Variants in CHD9 observed in about 807,000 individuals in gnomAD.
CHD9 encodes the protein ATP-dependent chromatin remodeler CHD9.
Under a neutral mutation model 316.1 loss-of-function variants are expected in CHD9, and 77 were observed. That is an observed-to-expected ratio of 0.24 (90% confidence interval 0.20 to 0.29). The LOEUF (loss-of-function observed/expected upper bound fraction) is 0.29. CHD9 is among the 10% of genes least tolerant of loss of function. CHD9 has a pLI of 1.00. For missense variants in CHD9, 2,763 were observed against 3,438.1 expected (o/e 0.80, Z 4.91); for synonymous variants, 1,129 against 1,158.3 (o/e 0.97, Z 0.51).
chr16:53,322,824 T>C (rs1341878877), intron 38 of CHD9, among the ~76,000 whole-genome samples: 4 of 152,266 alleles, frequency 2.6e-5, no homozygotes, highest in South Asian at 4.1e-4. Flanking sequence ...GGGGGAATTA[T>C]AGAATGTGTA....
At chr16:53,107,661 G>A (rs1467504499) in intron 1 of CHD9, among the ~76,000 whole-genome samples, 2 of 151,260 alleles carry the variant, frequency 1.3e-5, no homozygotes, top group African/African-American at 2.4e-5. Flanking sequence ...CAGCCTGGAC[G>A]ACACAGCGAG....
chr16:53,308,246 T>C (rs2056161623), intron 33 of CHD9, among the ~76,000 whole-genome samples: 1 of 152,238 alleles, frequency 6.6e-6, no homozygotes, highest in Middle Eastern at 3.2e-3. Context: ...ATTTAAATAG[T>C]ATGTCAGTGT....
At chr16:53,130,742 C>G (rs1206415485) in intron 1 of CHD9, among the ~76,000 whole-genome samples, 1 of 151,804 alleles carries the variant, frequency 6.6e-6, no homozygotes, top group African/African-American at 2.4e-5. Context: ...TGGGTCGGGC[C>G]GCGCCAGGAG....
In CHD9 at chr16:53,136,981, C is replaced by CT. The variant is rs1007356085; in HGVS notation, c.-164-18934dup. Among the ~76,000 whole-genome samples, 529 of 146,134 alleles carry CT rather than the reference C, an allele frequency of 3.6e-3. 1 individual carries two copies. The highest frequency in any genetic ancestry group is 4.4e-3 in the Non-Finnish European group (292 of 65,808). Reference sequence around the variant, plus strand: ...TTTTGTGAGACTAATCTGTGTTTTTCTTTTTTTTTTTGAGACAGAGTCTTG... The same window carrying CT: ...TTTTGTGAGACTAATCTGTGTTTTTCTTTTTTTTTTTTGAGACAGAGTCTTG... On this transcript the variant is annotated intron_variant, in intron 1 of 38. Coordinates refer to ENST00000447540, the MANE Select transcript of CHD9 (RefSeq NM_001308319.2).
chr16:53,270,184 T>TTA (rs2052105750), intron 22 of CHD9, among the ~76,000 whole-genome samples: 1 of 149,416 alleles, frequency 6.7e-6, no homozygotes, highest in Non-Finnish European at 1.5e-5. Context: ...TTTTTTTTTT[T>TTA]AGAGGTGGAG....
At chr16:53,069,923 G>GTT (rs60443741) in intron 1 of CHD9, among the ~76,000 whole-genome samples, 65 of 151,758 alleles carry the variant, frequency 4.3e-4, no homozygotes, top group African/African-American at 7.2e-4. Flanking sequence ...TTTGTGTGTG[G>GTT]TTTTTTTTGA....
intron 11 of CHD9, among the ~76,000 whole-genome samples, chr16:53,237,120 A>G (rs1487681452): frequency 2.6e-5 from 4 of 152,172 alleles, no homozygotes; most frequent in Admixed American, 2.6e-4. Context: ...TTCCCCATCA[A>G]AATTGTTCTT....
intron 7 of CHD9, among the ~76,000 whole-genome samples, chr16:53,228,638 C>T (rs1240102307): frequency 4.1e-5 from 6 of 146,472 alleles, no homozygotes; most frequent in Non-Finnish European, 4.5e-5. Flanking sequence ...AGCTCGAAAG[C>T]GTTTTAAATC....
intron 1 of CHD9, among the ~76,000 whole-genome samples, chr16:53,079,002 G>C (rs1216625581): frequency 6.6e-6 from 1 of 152,186 alleles, no homozygotes; most frequent in African/African-American, 2.4e-5. Flanking sequence ...GTCTTTGAAA[G>C]TGAAGCTCCC....
intron 1 of CHD9, among the ~76,000 whole-genome samples, chr16:53,077,139 C>T (rs907092459): frequency 1.3e-5 from 2 of 151,894 alleles, no homozygotes; most frequent in African/African-American, 4.8e-5. Context: ...AGGTGTGTGC[C>T]ACCACGCCTA....
chr16:53,165,267 A>G (rs1293844912), intron 2 of CHD9, among the ~76,000 whole-genome samples: 2 of 152,192 alleles, frequency 1.3e-5, no homozygotes, highest in Non-Finnish European at 2.9e-5. Flanking sequence ...TTTAGGTTTT[A>G]TTATAGGATA....
intron 1 of CHD9, among the ~76,000 whole-genome samples, chr16:53,155,432 G>T (rs73599575): frequency 0.032 from 4,921 of 152,078 alleles, 98 homozygotes; most frequent in Middle Eastern, 0.071. Context: ...TTGTTGCCCA[G>T]GCTGGTCTCA....
At chr16:53,234,418 G>A (rs189707441) in intron 10 of CHD9, among the ~76,000 whole-genome samples, 344 of 152,236 alleles carry the variant, frequency 2.3e-3, no homozygotes, top group Middle Eastern at 6.8e-3. Flanking sequence ...ATCTTAGGGG[G>A]AAAGCAGTCA....
intron 22 of CHD9, 53 bp downstream of exon 22, chr16:53,268,179 A>G: frequency 8.7e-7 from 1 of 1,154,844 alleles, no homozygotes; most frequent in South Asian, 1.5e-5. Flanking sequence ...TATATAAGTA[A>G]TACTTAACAT....
intron 1 of CHD9, among the ~76,000 whole-genome samples, chr16:53,137,327 T>G (rs972235755): frequency 6.6e-6 from 1 of 152,188 alleles, no homozygotes; most frequent in Non-Finnish European, 1.5e-5. Context: ...CTGTTGATTC[T>G]AATGTATGAT....
At chr16:53,217,291 C>T (rs2046840809) in intron 3 of CHD9, among the ~76,000 whole-genome samples, 1 of 152,098 alleles carries the variant, frequency 6.6e-6, no homozygotes, top group African/African-American at 2.4e-5. Context: ...CTTGCTTTGT[C>T]GCCCAGGCTG....
At chr16:53,178,192 C>T (rs1356765623) in intron 2 of CHD9, among the ~76,000 whole-genome samples, 2 of 152,106 alleles carry the variant, frequency 1.3e-5, no homozygotes, top group African/African-American at 4.8e-5. Flanking sequence ...GAACCAGACC[C>T]TCTAAATTGT....
chr16:53,118,398 T>C (rs1278912726), intron 1 of CHD9, among the ~76,000 whole-genome samples: 6 of 152,134 alleles, frequency 3.9e-5, no homozygotes, highest in African/African-American at 7.2e-5. Flanking sequence ...GCCTGAGCAG[T>C]AGAGCAAGAA....
chr16:53,255,510 C>T, intron 18 of CHD9, 90 bp from the exon 19 acceptor site: 2 of 1,165,102 alleles, frequency 1.7e-6, no homozygotes, highest in Non-Finnish European at 2.5e-6. Flanking sequence ...TTAAGCATGC[C>T]TCTTGTGTTC....
Sources: gnomAD v4.1 joint callset for allele counts (sites outside exome capture counted in the v4.1 genomes callset) on GRCh38, gnomAD v4.1.1 for gene constraint, MANE v1.5 for transcripts, NCBI Gene and HGNC (gene_info 2026-07-23, HGNC 2026-07-21) for gene names.